FAH: variants seen among roughly 807,000 people sequenced by gnomAD.
FAH encodes the protein fumarylacetoacetate hydrolase.
A neutral mutation model predicts 55.8 loss-of-function variants in FAH; 47 were observed. The ratio of observed to expected loss-of-function variants is 0.84; its 90% CI spans 0.67 to 1.07. The LOEUF (loss-of-function observed/expected upper bound fraction) is 1.07, where lower values mean the gene tolerates loss of function less well. Ranked by LOEUF, FAH falls within the 50% of genes least tolerant of loss-of-function variation. The pLI is 0.00. For missense variants in FAH, 495 were observed against 545.9 expected (o/e 0.91, Z 0.93); for synonymous variants, 199 against 207.7 (o/e 0.96, Z 0.36).
intron 7 of FAH, among the ~76,000 whole-genome samples, chr15:80,169,403 A>G (rs2041221677): frequency 6.6e-6 from 1 of 152,074 alleles, no homozygotes; most frequent in Non-Finnish European, 1.5e-5. Flanking sequence ...ACAAAAAACA[A>G]AAACCCAAAA....
intron 2 of FAH, among the ~76,000 whole-genome samples, chr15:80,159,413 G>T: frequency 6.6e-6 from 1 of 151,202 alleles, no homozygotes; most frequent in East Asian, 2.0e-4. Context: ...ATTAGTTTAG[G>T]CTGTGATCAC....
At chr15:80,159,725 G>T (rs750111883) in intron 2 of FAH, 31 bp from the exon 3 acceptor site, 2 of 1,613,972 alleles carry the variant, frequency 1.2e-6, no homozygotes, top group Non-Finnish European at 1.7e-6. Context: ...TTTCCTGTAC[G>T]TGATCTTTTT....
chr15:80,174,082 C>T (rs2041263130), intron 9 of FAH, among the ~76,000 whole-genome samples: 1 of 152,170 alleles, frequency 6.6e-6, no homozygotes, highest in South Asian at 2.1e-4. Flanking sequence ...GTGGGGCTTT[C>T]ACCCTCATCC....
chr15:80,181,201 C>T (rs187310150), intron 13 of FAH, 42 bp downstream of exon 13: 36 of 1,392,260 alleles, frequency 2.6e-5, no homozygotes, highest in Admixed American at 5.0e-5. Context: ...CCTCCTTGCC[C>T]GCCATGCACT....
downstream of FAH, chr15:80,186,777 A>T (rs1028288254): frequency 4.2e-5 from 8 of 189,800 alleles, no homozygotes; most frequent in African/African-American, 1.9e-4. Flanking sequence ...GAAGGCCATC[A>T]ACTGATTAGA....
At chr15:80,174,293 C>T (rs1167886611) in intron 9 of FAH, among the ~76,000 whole-genome samples, 1 of 152,216 alleles carries the variant, frequency 6.6e-6, no homozygotes, top group Non-Finnish European at 1.5e-5. Context: ...TGCCTGCCTT[C>T]CTCTGTGCCA....
chr15:80,168,644 A>G (rs1015137919), intron 7 of FAH, among the ~76,000 whole-genome samples: 9 of 152,240 alleles, frequency 5.9e-5, no homozygotes, highest in Non-Finnish European at 8.8e-5. Flanking sequence ...GAGGCTGGAC[A>G]AGGTGTTACT....
At chr15:80,158,036 C>G in intron 1 of FAH, 24 bp from the exon 2 acceptor site, 1 of 1,573,518 alleles carries the variant, frequency 6.4e-7, no homozygotes, top group Non-Finnish European at 8.7e-7. Context: ...TTTTCTGGTG[C>G]TGACGGTGTC....
At chr15:80,161,835 C>T (rs572984265) in intron 4 of FAH, among the ~76,000 whole-genome samples, 20 of 152,146 alleles carry the variant, frequency 1.3e-4, no homozygotes, top group Non-Finnish European at 2.2e-4. Flanking sequence ...CAGGGAGGAG[C>T]GGGCCTCAAA....
intron 6 of FAH, 41 bp downstream of exon 6, chr15:80,168,190 C>T (rs968285132): frequency 1.9e-6 from 3 of 1,610,314 alleles, no homozygotes; most frequent in East Asian, 4.5e-5. Flanking sequence ...GTACCCAGCT[C>T]TCTGTTCCCA....
At chr15:80,174,954 G>C in intron 9 of FAH, 62 bp from the exon 10 acceptor site, 1 of 1,447,000 alleles carries the variant, frequency 6.9e-7, no homozygotes, top group South Asian at 1.1e-5. Flanking sequence ...TGGTATGGGG[G>C]CCCAGCCGGG....
chr15:80,176,683 C>T (rs8043254), intron 10 of FAH, among the ~76,000 whole-genome samples: 77,489 of 151,762 alleles, frequency 0.51, 20,889 homozygotes, highest in East Asian at 0.77. Context: ...ACCCACAATG[C>T]GTGCTTGGAG....
At chr15:80,157,933 T>C in intron 1 of FAH, 127 bp from the exon 2 acceptor site, 1 of 743,552 alleles carries the variant, frequency 1.3e-6, no homozygotes, top group South Asian at 1.4e-5. Flanking sequence ...GGTTCTTCAG[T>C]CCGCTCTGCA....
In FAH at chr15:80,168,234, G is replaced by T. The variant is rs562304766; in HGVS notation, c.554-30G>T. The T allele has an allele frequency of 2.7e-4, 406 of 1,491,600 alleles. 1 individual carries two copies. In the African/African-American group the frequency reaches 5.1e-3, roughly 19 times the overall value. 92.4% of individuals were successfully genotyped at this position (1,491,600 alleles called of 1,614,324 possible). On this transcript the variant is annotated intron_variant, in intron 6 of 13. Transcript: ENST00000561421. ...GTTCTGTGGCCTCACTCACAGCACC[G>T]TTTTTTTTTTTTTTCTGGTGTTATT...
chr15:80,177,457 C>A lies in FAH; in HGVS notation c.914-80C>A, dbSNP rs550076957. ...CATGTTGGACAATGGGAAGCTTCAG[C>A]CACAGAACAATTCTTTTTTTATTTT... On this transcript the variant is annotated intron_variant, in intron 10 of 13. Coordinates refer to ENST00000561421, the MANE Select transcript of FAH (RefSeq NM_000137.4). 164 of 1,247,670 alleles carry A rather than the reference C, an allele frequency of 1.3e-4. 1 individual carries two copies. The African/African-American group carries it at 2.2e-3, about 17-fold the overall frequency. 77.3% of individuals were successfully genotyped at this position (1,247,670 alleles called of 1,614,324 possible). A position where few individuals can be genotyped will look rare whatever the true frequency, so the allele number is the denominator to read the frequency against.
At chr15:80,175,587 C>T (rs142276960) in intron 10 of FAH, among the ~76,000 whole-genome samples, 48 of 152,258 alleles carry the variant, frequency 3.2e-4, no homozygotes, top group Admixed American at 8.5e-4. Flanking sequence ...CAGACAGACC[C>T]GAGATCCCCA....
intron 12 of FAH, 76 bp from the exon 13 acceptor site, chr15:80,180,966 G>T: frequency 8.1e-7 from 1 of 1,237,704 alleles, no homozygotes; most frequent in South Asian, 1.2e-5. Flanking sequence ...GGACTCCCAG[G>T]TCTTGCTGAG....
At position 80,168,093 on chromosome 15, in the gene FAH, T is replaced by G. The variant is rs778387055; in HGVS notation, c.497T>G (p.Val166Gly). 3 of 1,614,186 alleles carry G rather than the reference T, an allele frequency of 1.9e-6. No individual in the cohort carries two copies. Among genetic ancestry groups the G allele is most frequent in the Non-Finnish European group, 8.5e-7 (1 of 1,180,050 alleles). Residue 166 changes from valine to glycine, a missense_variant, in exon 6 of 14, where the codon GTC becomes GGC. Val to Gly is a moderately radical substitution (Grantham distance 109). Coordinates refer to ENST00000561421, the MANE Select transcript of FAH (RefSeq NM_000137.4). ...GGCTACCATGGCCGTGCCTCCTCTG[T>G]CGTGGTGTCTGGCACCCCAATCCGA... is the stretch of plus-strand genomic sequence containing the variant. ...PVGYHGRASS[V>G]VVSGTPIRRP...
At chr15:80,168,432 G>A in intron 7 of FAH, 116 bp downstream of exon 7, 3 of 1,002,086 alleles carry the variant, frequency 3.0e-6, no homozygotes, top group South Asian at 1.3e-5. Context: ...AGCCACATCG[G>A]CAGCCGCTCT....
Sources: gnomAD v4.1 joint callset for allele counts (sites outside exome capture counted in the v4.1 genomes callset) on GRCh38, gnomAD v4.1.1 for gene constraint, MANE v1.5 for transcripts, NCBI Gene and HGNC (gene_info 2026-07-23, HGNC 2026-07-21) for gene names.